The following UBASH3A variants were observed in gnomAD, a reference collection of about 807,000 sequenced individuals.
UBASH3A encodes the protein ubiquitin-associated and SH3 domain-containing protein A.
In UBASH3A, 63 loss-of-function variants were observed where a neutral mutation model predicts 73.5. The ratio of observed to expected loss-of-function variants is 0.86; its 90% confidence interval spans 0.70 to 1.06. The LOEUF is 1.06. Among genes scored for constraint, UBASH3A ranks in the 50% least tolerant of loss-of-function variants. UBASH3A has a pLI of 0.00. For synonymous variants in UBASH3A, 363 were observed against 351.1 expected (o/e 1.03, Z -0.38); for missense variants, 860 against 859.0 (o/e 1.00, Z -0.02).
At chr21:42,445,389 G>A (rs568583590) in intron 14 of UBASH3A, among the ~76,000 whole-genome samples, 42 of 152,346 alleles carry the variant, frequency 2.8e-4, no homozygotes, top group African/African-American at 9.6e-4. Context: ...GCCTGTCATC[G>A]GAGGTGCTTG....
At chr21:42,446,081 C>T (rs2053839555) in intron 14 of UBASH3A, among the ~76,000 whole-genome samples, 1 of 152,216 alleles carries the variant, frequency 6.6e-6, no homozygotes, top group South Asian at 2.1e-4. Flanking sequence ...AGGGTGGCAG[C>T]ACTGCACACA....
At chr21:42,424,913 C>G (rs915490577) in intron 7 of UBASH3A, among the ~76,000 whole-genome samples, 1 of 152,114 alleles carries the variant, frequency 6.6e-6, no homozygotes, top group Non-Finnish European at 1.5e-5. Context: ...GAGGGACAGC[C>G]TGTGAGGAAA....
At chr21:42,440,303 G>C (rs1362331733) in intron 11 of UBASH3A, among the ~76,000 whole-genome samples, 2 of 152,230 alleles carry the variant, frequency 1.3e-5, no homozygotes, top group African/African-American at 4.8e-5. Context: ...GGGTCTCCGA[G>C]TATCTGGGGA....
intron 3 of UBASH3A, among the ~76,000 whole-genome samples, chr21:42,411,657 G>T (rs1421619161): frequency 6.6e-6 from 1 of 152,162 alleles, no homozygotes; most frequent in Non-Finnish European, 1.5e-5. Context: ...CCCCACCCCA[G>T]TTCTGGCCTG....
In UBASH3A at chr21:42,432,241, G is replaced by T. The variant is rs376944711; in HGVS notation, c.1270+39G>T. ...AGGCGGGTCTACGGACAGAAACACT[G>T]TAGATCTAACCAATGAGATCTCCTT... On this transcript the variant is annotated intron_variant, in intron 9 of 14. Transcript: ENST00000319294. 1.5e-5 allele frequency: 21 copies of T among 1,395,340 alleles called. No homozygotes were observed. The African/African-American group carries it at 2.7e-4, about 18-fold the overall frequency. The allele number at this position is 1,395,340 out of a possible 1,614,324, so 86.4% of individuals were successfully genotyped here.
chr21:42,425,694 G>A (rs1174096106), intron 7 of UBASH3A, among the ~76,000 whole-genome samples: 1 of 151,994 alleles, frequency 6.6e-6, no homozygotes, highest in Non-Finnish European at 1.5e-5. Flanking sequence ...CATGTGTAAC[G>A]CAGATGCTGA....
At chr21:42,441,757 T>C (rs764863658) in intron 11 of UBASH3A, among the ~76,000 whole-genome samples, 19 of 152,178 alleles carry the variant, frequency 1.2e-4, no homozygotes, top group Non-Finnish European at 7.3e-5. Flanking sequence ...GCATGCTTGA[T>C]GAAAGAGCTC....
At chr21:42,410,194 C>T (rs557313950) in intron 3 of UBASH3A, 4 of 701,080 alleles carry the variant, frequency 5.7e-6, no homozygotes, top group Non-Finnish European at 1.0e-5. Context: ...GCAGGCAGCT[C>T]TACAGGGGCA....
Position 42,442,453 on chromosome 21 carries a change from A to G in UBASH3A, c.1488A>G (p.Glu496=). ...CVQTAKLILE[E]LKLEKKIKIR... ...ACACTTGTATTCTGTTGAATCCAGA[A>G]CTCAAACTGGAGAAAAAAATCAAGA... Residue 496 remains glutamate (E), a splice_region_variant and synonymous_variant, in exon 12 of 15, where the codon GAA becomes GAG. Transcript: ENST00000319294. 6.2e-7 allele frequency: 1 copy of G among 1,613,618 alleles called. No homozygotes were observed. The highest frequency in any genetic ancestry group is 8.5e-7 in the Non-Finnish European group (1 of 1,179,864).
In UBASH3A at chr21:42,432,137, G is replaced by A. The variant is rs142660340; in HGVS notation, c.1205G>A (p.Arg402His). 5.2e-4 allele frequency: 847 copies of A among 1,613,530 alleles called. 6 individuals carry two copies. Among genetic ancestry groups the A allele is most frequent in the South Asian group, 2.8e-3 (254 of 90,952 alleles). ...GCAAGGAAGAGCGTGCTGGTGGTTC[G>A]CCACGGGGAGAGAGTGGATCAGATC... ...TVARKSVLVVRHGERVDQIFG... is the reference protein window; with the variant it reads ...TVARKSVLVVHHGERVDQIFG... Residue 402 changes from arginine (R) to histidine (H), a missense_variant, in exon 9 of 15, where the codon CGC becomes CAC. Transcript: ENST00000319294.
At chr21:42,442,770 G>T (rs1477279441) in intron 12 of UBASH3A, among the ~76,000 whole-genome samples, 174 bp downstream of exon 12, 2 of 152,184 alleles carry the variant, frequency 1.3e-5, no homozygotes, top group Non-Finnish European at 2.9e-5. Flanking sequence ...GAAAAGAGGG[G>T]AGTTATAGCC....
chr21:42,424,677 T>A (rs768907396), intron 7 of UBASH3A, among the ~76,000 whole-genome samples: 12 of 152,242 alleles, frequency 7.9e-5, no homozygotes, highest in Non-Finnish European at 1.8e-4. Flanking sequence ...TCAGAGCAAG[T>A]TTACAGCAAA....
chr21:42,434,785 G>T (rs1253838682), intron 9 of UBASH3A, 47 bp from the exon 10 acceptor site: 1 of 1,592,962 alleles, frequency 6.3e-7, no homozygotes, highest in South Asian at 1.1e-5. Flanking sequence ...GAACAAATCT[G>T]TACTAACTTG....
intron 11 of UBASH3A, 91 bp from the exon 12 acceptor site, chr21:42,442,361 T>G: frequency 7.7e-7 from 1 of 1,297,922 alleles, no homozygotes; most frequent in Non-Finnish European, 1.1e-6. Flanking sequence ...TAGACGTGTG[T>G]GTGACGGTCT....
intron 10 of UBASH3A, 80 bp from the exon 11 acceptor site, chr21:42,437,408 C>A (rs747904045): frequency 2.2e-6 from 3 of 1,345,946 alleles, no homozygotes; most frequent in South Asian, 1.2e-5. Context: ...CCCTGCCTAC[C>A]ACAGGGAGCA....
intron 14 of UBASH3A, among the ~76,000 whole-genome samples, chr21:42,445,676 A>G (rs1272368647): frequency 6.6e-6 from 1 of 152,232 alleles, no homozygotes; most frequent in Non-Finnish European, 1.5e-5. Context: ...GCAATTAGGC[A>G]TCAGACACCC....
At chr21:42,436,704 A>G (rs979780904) in intron 10 of UBASH3A, among the ~76,000 whole-genome samples, 26 of 152,232 alleles carry the variant, frequency 1.7e-4, no homozygotes, top group Non-Finnish European at 2.9e-4. Context: ...CTCGCTCATC[A>G]GCTTTCAGGC....
chr21:42,429,081 T>C (rs1477547011), intron 8 of UBASH3A, among the ~76,000 whole-genome samples: 1 of 152,146 alleles, frequency 6.6e-6, no homozygotes, highest in Non-Finnish European at 1.5e-5. Flanking sequence ...GGGGATCTGA[T>C]ACAGCAGCAG....
intron 11 of UBASH3A, among the ~76,000 whole-genome samples, chr21:42,440,900 C>T (rs1014697784): frequency 5.3e-5 from 8 of 152,168 alleles, no homozygotes; most frequent in Non-Finnish European, 7.3e-5. Context: ...TGTCATTGTT[C>T]GTGGTTCCTC....
Sources: allele counts gnomAD v4.1 joint callset (sites outside exome capture counted in the v4.1 genomes callset), GRCh38; gene constraint gnomAD v4.1.1; transcripts MANE v1.5; gene names NCBI Gene and HGNC (gene_info 2026-07-23, HGNC 2026-07-21).